Variants in DNM3 observed in about 807,000 individuals in gnomAD.
DNM3 encodes the protein dynamin 3.
A neutral mutation model predicts 101.6 loss-of-function variants in DNM3; 47 were observed. That is an observed-to-expected ratio of 0.46 (90% CI 0.37 to 0.59). The LOEUF is 0.59. Ranked by LOEUF, DNM3 falls within the 20% of genes least tolerant of loss-of-function variation. DNM3 has a pLI of 0.00. For missense variants in DNM3, 849 were observed against 1,085.7 expected (o/e 0.78, Z 3.06); for synonymous variants, 385 against 387.9 (o/e 0.99, Z 0.09).
chr1:172,004,746 G>C (rs2046565952), intron 4 of DNM3, among the ~76,000 whole-genome samples: 1 of 151,916 alleles, frequency 6.6e-6, no homozygotes, highest in African/African-American at 2.4e-5. Context: ...AGAATATACA[G>C]TCTCTACCTG....
At chr1:171,977,843 C>T (rs1488954543) in intron 2 of DNM3, among the ~76,000 whole-genome samples, 2 of 152,186 alleles carry the variant, frequency 1.3e-5, no homozygotes, top group African/African-American at 4.8e-5. Flanking sequence ...ATCTCTTCCA[C>T]ACGGTGGCTT....
intron 14 of DNM3, among the ~76,000 whole-genome samples, chr1:172,246,592 A>G (rs181740197): frequency 2.6e-4 from 39 of 152,314 alleles, no homozygotes; most frequent in African/African-American, 9.4e-4. Flanking sequence ...AAAGATGAGA[A>G]GATACAATTA....
chr1:171,965,982 C>T (rs1377930345), intron 2 of DNM3, among the ~76,000 whole-genome samples: 1 of 152,178 alleles, frequency 6.6e-6, no homozygotes, highest in Non-Finnish European at 1.5e-5. Flanking sequence ...ATACTTCTGT[C>T]ATCCCCATGA....
intron 14 of DNM3, among the ~76,000 whole-genome samples, chr1:172,165,026 C>G (rs1179422239): frequency 6.6e-6 from 1 of 151,994 alleles, no homozygotes; most frequent in African/African-American, 2.4e-5. Context: ...GTCATTTTAA[C>G]CAAGAGTACA....
At chr1:172,185,596 A>G (rs1365698361) in intron 14 of DNM3, among the ~76,000 whole-genome samples, 1 of 152,128 alleles carries the variant, frequency 6.6e-6, no homozygotes, top group Admixed American at 6.6e-5. Context: ...TCAGAATTAT[A>G]TAGCAACCTG....
intron 1 of DNM3, among the ~76,000 whole-genome samples, chr1:171,919,949 G>A (rs2040025259): frequency 6.6e-6 from 1 of 151,678 alleles, no homozygotes; most frequent in Non-Finnish European, 1.5e-5. Flanking sequence ...AATTTTTTTT[G>A]ATGAATAAAT....
At chr1:172,332,191 G>A (rs2066217286) in intron 17 of DNM3, among the ~76,000 whole-genome samples, 1 of 152,190 alleles carries the variant, frequency 6.6e-6, no homozygotes. Flanking sequence ...GATAGAGTAA[G>A]TTACAATGCT....
intron 15 of DNM3, among the ~76,000 whole-genome samples, chr1:172,298,678 C>G (rs2064279293): frequency 6.6e-6 from 1 of 152,042 alleles, no homozygotes; most frequent in South Asian, 2.1e-4. Flanking sequence ...ATGGAACACT[C>G]CTAAGCCATC....
intron 10 of DNM3, among the ~76,000 whole-genome samples, chr1:172,056,885 C>G (rs1486807658): frequency 1.3e-5 from 2 of 152,050 alleles, no homozygotes; most frequent in Non-Finnish European, 2.9e-5. Flanking sequence ...TTCAGATGAT[C>G]AAATTACTCT....
At chr1:171,975,382 A>G (rs1025985224) in intron 2 of DNM3, among the ~76,000 whole-genome samples, 1 of 152,188 alleles carries the variant, frequency 6.6e-6, no homozygotes, top group Non-Finnish European at 1.5e-5. Context: ...AAGAATATGT[A>G]CTCTTATTAC....
At chr1:172,235,436 T>G (rs1240986441) in intron 14 of DNM3, among the ~76,000 whole-genome samples, 3 of 152,194 alleles carry the variant, frequency 2.0e-5, no homozygotes, top group Non-Finnish European at 4.4e-5. Flanking sequence ...GAAGTCAGTG[T>G]GGCGATTCCT....
chr1:172,280,392 T>A (rs1223566027), intron 15 of DNM3, among the ~76,000 whole-genome samples: 1 of 152,206 alleles, frequency 6.6e-6, no homozygotes, highest in Non-Finnish European at 1.5e-5. Flanking sequence ...TTTTAAAAAA[T>A]TTATTCACTG....
At chr1:172,219,486 A>G (rs2060829730) in intron 14 of DNM3, among the ~76,000 whole-genome samples, 1 of 151,392 alleles carries the variant, frequency 6.6e-6, no homozygotes. Context: ...GATCATTTTT[A>G]TAGCATTATA....
chr1:172,366,168 G>A (rs927363149), intron 17 of DNM3, among the ~76,000 whole-genome samples: 1 of 151,894 alleles, frequency 6.6e-6, no homozygotes, highest in Non-Finnish European at 1.5e-5. Context: ...AGAAGTTCAA[G>A]TGAGCTATGA....
chr1:172,407,787 A>G lies in DNM3; in HGVS notation c.2538A>G (p.Pro846=). The G allele has an allele frequency of 6.2e-7, 1 of 1,613,186 alleles. No homozygotes were observed. Among genetic ancestry groups the G allele is most frequent in the Non-Finnish European group, 8.5e-7 (1 of 1,179,330 alleles). The change falls in exon 21 of 21, where the codon CCA becomes CCG. Residue 846 remains proline, a synonymous_variant. Transcript: ENST00000627582. ...CTCTTTCTAGCCGGAGACCACCCCC[A>G]TCACCAACTCGTCCCACTATAATCC... ...PPSVPSRRPP[P]SPTRPTIIRP...
chr1:172,383,840 G>C (rs747563090), intron 18 of DNM3, among the ~76,000 whole-genome samples: 1 of 152,160 alleles, frequency 6.6e-6, no homozygotes, highest in Non-Finnish European at 1.5e-5. Flanking sequence ...GAGAGTTTGA[G>C]CTGGAATGAG....
intron 2 of DNM3, among the ~76,000 whole-genome samples, chr1:171,954,832 T>C (rs1231814503): frequency 6.6e-6 from 1 of 152,166 alleles, no homozygotes; most frequent in East Asian, 1.9e-4. Context: ...TGGGGCAACA[T>C]TGTGTTATGC....
intron 14 of DNM3, among the ~76,000 whole-genome samples, chr1:172,150,056 A>G (rs992664902): frequency 4.6e-5 from 7 of 152,160 alleles, no homozygotes; most frequent in Non-Finnish European, 1.0e-4. Flanking sequence ...TCTAGTATAT[A>G]CAAAAGGGGA....
At chr1:172,141,706 A>G (rs2148161972) in intron 14 of DNM3, among the ~76,000 whole-genome samples, 1 of 152,160 alleles carries the variant, frequency 6.6e-6, no homozygotes, top group Admixed American at 6.6e-5. Flanking sequence ...GGTAGATAGT[A>G]TATTTTGGTC....
Sources: gnomAD v4.1 joint callset for allele counts (sites outside exome capture counted in the v4.1 genomes callset) on GRCh38, gnomAD v4.1.1 for gene constraint, MANE v1.5 for transcripts, NCBI Gene and HGNC (gene_info 2026-07-23, HGNC 2026-07-21) for gene names.